The following ANKS1B variants were observed in gnomAD, a reference collection of about 807,000 sequenced individuals.
The protein encoded by ANKS1B is ankyrin repeat and sterile alpha motif domain-containing protein 1B.
In ANKS1B, 36 loss-of-function variants were observed where a neutral mutation model predicts 148.3. The ratio of observed to expected loss-of-function variants is 0.24; its 90% CI spans 0.19 to 0.32. The LOEUF is 0.32. Among genes scored for constraint, ANKS1B ranks in the 10% least tolerant of loss-of-function variants. ANKS1B has a pLI of 1.00. For missense variants in ANKS1B, 1,157 were observed against 1,542.6 expected, an observed-to-expected ratio of 0.75 and a Z score of 4.19; for synonymous variants, 542 against 560.8, an observed-to-expected ratio of 0.97 and a Z score of 0.47.
intron 17 of ANKS1B, among the ~76,000 whole-genome samples, chr12:99,022,761 A>T (rs2099946571): frequency 6.6e-6 from 1 of 151,986 alleles, no homozygotes; most frequent in African/African-American, 2.4e-5. Context: ...GTTATAGTTC[A>T]TTGCAGCCTC....
intron 17 of ANKS1B, among the ~76,000 whole-genome samples, chr12:99,052,077 T>C (rs971520437): frequency 2.0e-5 from 3 of 152,236 alleles, no homozygotes; most frequent in Non-Finnish European, 4.4e-5. Flanking sequence ...GATTTCTCAT[T>C]GTTACTGTTA....
At chr12:99,342,492 G>A (rs2090071055) in intron 12 of ANKS1B, among the ~76,000 whole-genome samples, 2 of 152,032 alleles carry the variant, frequency 1.3e-5, no homozygotes, top group Non-Finnish European at 2.9e-5. Flanking sequence ...CCCAACCAAT[G>A]TTCATTGAAT....
At chr12:99,802,545 T>A (rs539238745) in intron 4 of ANKS1B, among the ~76,000 whole-genome samples, 2 of 152,308 alleles carry the variant, frequency 1.3e-5, no homozygotes, top group Admixed American at 1.3e-4. Flanking sequence ...TGTGTTATAA[T>A]TTAAAATTAC....
intron 10 of ANKS1B, among the ~76,000 whole-genome samples, chr12:99,503,435 C>T (rs1174365527): frequency 6.6e-6 from 1 of 152,148 alleles, no homozygotes. Flanking sequence ...CTGTGTTTCC[C>T]TAAACTAGCT....
chr12:99,074,899 GC>G (rs1316739765), intron 16 of ANKS1B, among the ~76,000 whole-genome samples: 1 of 152,160 alleles, frequency 6.6e-6, no homozygotes, highest in Non-Finnish European at 1.5e-5. Context: ...GATGAACATG[GC>G]CAAGATCCTA....
intron 12 of ANKS1B, among the ~76,000 whole-genome samples, chr12:99,288,922 T>A (rs964478980): frequency 6.6e-6 from 1 of 152,028 alleles, no homozygotes; most frequent in African/African-American, 2.4e-5. Flanking sequence ...TACCACTGAA[T>A]GTAAATGGAC....
At chr12:98,765,247 G>A (rs1240192177) in intron 25 of ANKS1B, among the ~76,000 whole-genome samples, 1 of 152,142 alleles carries the variant, frequency 6.6e-6, no homozygotes, top group Non-Finnish European at 1.5e-5. Flanking sequence ...TACAGATTAG[G>A]AAACTGAAGA....
chr12:99,732,097 A>G (rs1461658064), intron 8 of ANKS1B, among the ~76,000 whole-genome samples: 1 of 152,224 alleles, frequency 6.6e-6, no homozygotes, highest in Non-Finnish European at 1.5e-5. Flanking sequence ...GCAAATTAAA[A>G]ACATAGGATT....
At chr12:98,919,096 C>T (rs546536671) in intron 17 of ANKS1B, among the ~76,000 whole-genome samples, 151 of 151,938 alleles carry the variant, frequency 9.9e-4, no homozygotes, top group African/African-American at 3.0e-3. Context: ...TTTCTTTTTG[C>T]GGAAAAAAAT....
At chr12:99,692,390 G>A (rs2053222035) in intron 8 of ANKS1B, among the ~76,000 whole-genome samples, 1 of 152,132 alleles carries the variant, frequency 6.6e-6, no homozygotes, top group Non-Finnish European at 1.5e-5. Flanking sequence ...AAGAGATGAG[G>A]CCCAGCGCAG....
intron 15 of ANKS1B, among the ~76,000 whole-genome samples, chr12:99,138,032 G>A (rs918654198): frequency 3.3e-5 from 5 of 151,944 alleles, no homozygotes; most frequent in African/African-American, 9.7e-5. Context: ...AAGCAAATGT[G>A]TTTATTATTA....
chr12:98,877,460 A>G (rs571010215), intron 17 of ANKS1B, among the ~76,000 whole-genome samples: 3 of 152,336 alleles, frequency 2.0e-5, no homozygotes, highest in African/African-American at 7.2e-5. Flanking sequence ...CAACAGATTG[A>G]CTATTCAGTA....
intron 15 of ANKS1B, among the ~76,000 whole-genome samples, chr12:99,107,080 A>G (rs893429730): frequency 3.3e-5 from 5 of 152,100 alleles, no homozygotes; most frequent in Admixed American, 2.0e-4. Context: ...CAGTAAACTC[A>G]AGATATAAAA....
At chr12:99,849,029 T>G (rs1035534548) in intron 1 of ANKS1B, among the ~76,000 whole-genome samples, 1 of 152,012 alleles carries the variant, frequency 6.6e-6, no homozygotes, top group South Asian at 2.1e-4. Context: ...TAATAGATAC[T>G]GGGAAATAAA....
At chr12:99,438,683 T>C (rs2095500217) in intron 11 of ANKS1B, among the ~76,000 whole-genome samples, 1 of 151,886 alleles carries the variant, frequency 6.6e-6, no homozygotes, top group Non-Finnish European at 1.5e-5. Context: ...GTGTTACTTA[T>C]ATTAGCATCC....
intron 9 of ANKS1B, chr12:99,648,659 T>A (rs1395472838): frequency 6.8e-6 from 11 of 1,614,086 alleles, no homozygotes; most frequent in Non-Finnish European, 9.3e-6. Context: ...AGTGAAGACC[T>A]TTTTGTTCAC....
intron 12 of ANKS1B, among the ~76,000 whole-genome samples, chr12:99,387,748 C>A (rs1393083351): frequency 6.6e-6 from 1 of 150,454 alleles, no homozygotes; most frequent in African/African-American, 2.5e-5. Context: ...GCCTCCCCAG[C>A]TTCTGGAACT....
intron 8 of ANKS1B, among the ~76,000 whole-genome samples, chr12:99,741,489 C>G (rs2060108022): frequency 6.6e-6 from 1 of 152,050 alleles, no homozygotes; most frequent in Non-Finnish European, 1.5e-5. Context: ...AGACTTGGAA[C>G]CAACCCAAAT....
intron 18 of ANKS1B, chr12:98,831,636 C>T (rs2099316805): frequency 6.3e-6 from 1 of 159,770 alleles, no homozygotes; most frequent in African/African-American, 2.4e-5. Context: ...TTGTGTCAAA[C>T]AATCAAAAGA....
Sources: allele counts gnomAD v4.1 joint callset (sites outside exome capture counted in the v4.1 genomes callset), GRCh38; gene constraint gnomAD v4.1.1; transcripts MANE v1.5; gene names NCBI Gene and HGNC (gene_info 2026-07-23, HGNC 2026-07-21).